The following TEKT1 variants were observed in gnomAD, a reference collection of about 807,000 sequenced individuals.
TEKT1 encodes tektin 1.
In TEKT1, 32 loss-of-function variants were observed where a neutral mutation model predicts 34.8. That is an observed-to-expected ratio of 0.92 (90% CI 0.69 to 1.23). TEKT1 has a LOEUF of 1.23. TEKT1 is among the 50% of genes most tolerant of loss of function. The pLI is 0.00. For missense variants in TEKT1, 492 were observed against 518.5 expected (o/e 0.95, Z 0.50); for synonymous variants, 207 against 199.8 (o/e 1.04, Z -0.30).
chr17:6,815,191 A>G lies in TEKT1; in HGVS notation c.601T>C (p.Ser201Pro), dbSNP rs1260108100. Reference sequence around the variant, plus strand: ...GGCTCAATCCTCACGGCGTTCTCAGAATATCTGATGTTTGGTGAGTTGTTG... The same window carrying G: ...GGCTCAATCCTCACGGCGTTCTCAGGATATCTGATGTTTGGTGAGTTGTTG... ...LNNNSPNIRY[S>P]ENAVRIEPNS... Residue 201 changes from serine to proline, a missense_variant, in exon 5 of 8, where the codon TCT (serine) becomes CCT (proline). Ser to Pro is a moderately conservative substitution (Grantham distance 74, BLOSUM62 -1). Transcript: ENST00000338694. The G allele has an allele frequency of 6.2e-7, 1 of 1,613,888 alleles. No homozygotes were observed. The highest frequency in any genetic ancestry group is 1.7e-5 in the Admixed American group (1 of 59,976).
chr17:6,812,205 G>A (rs1436229414), intron 6 of TEKT1, among the ~76,000 whole-genome samples: 3 of 152,034 alleles, frequency 2.0e-5, no homozygotes, highest in South Asian at 2.1e-4. Context: ...CTTCTGCCAC[G>A]ACTGTAAGTT....
Position 6,819,089 on chromosome 17 carries a change from C to T in TEKT1, c.356+104G>A, listed in dbSNP as rs28463409. ...ACTTCAGGCTCTAAAAGAACACCTG[C>T]TCAAGTGCTGTGTTCTAACTCACCA... On this transcript the variant is annotated intron_variant, in intron 3 of 7. Transcript: ENST00000338694. 1.0e-2 allele frequency: 13,804 copies of T among 1,383,480 alleles called. 888 individuals carry two copies. The African/African-American group carries it at 0.15, about 15-fold the overall frequency. The allele number at this position is 1,383,480 out of a possible 1,614,324, so 85.7% of individuals were successfully genotyped here. A position where few individuals can be genotyped will look rare whatever the true frequency, so the allele number is the denominator to read the frequency against.
intron 5 of TEKT1, 24 bp downstream of exon 5, chr17:6,815,139 A>G: frequency 6.3e-7 from 1 of 1,594,798 alleles, no homozygotes; most frequent in African/African-American, 1.3e-5. Flanking sequence ...ACCCGCGAGG[A>G]GGAAGACGGC....
intron 2 of TEKT1, among the ~76,000 whole-genome samples, chr17:6,822,367 T>A (rs1977104736): frequency 6.6e-6 from 1 of 152,082 alleles, no homozygotes. Context: ...AAACTCCTGG[T>A]CTCAACTGAT....
intron 6 of TEKT1, among the ~76,000 whole-genome samples, chr17:6,805,615 A>T (rs9635711): frequency 0.61 from 93,411 of 151,962 alleles, 28,991 homozygotes; most frequent in African/African-American, 0.7. Flanking sequence ...GTGCTATAAA[A>T]TTCCCTCTAC....
intron 6 of TEKT1, among the ~76,000 whole-genome samples, chr17:6,803,753 A>G (rs1976809000): frequency 6.6e-6 from 1 of 152,094 alleles, no homozygotes; most frequent in South Asian, 2.1e-4. Flanking sequence ...CAGGTTTGTC[A>G]AAGATCAGAT....
chr17:6,818,514 G>A (rs969762987), intron 3 of TEKT1, among the ~76,000 whole-genome samples: 1 of 152,180 alleles, frequency 6.6e-6, no homozygotes, highest in African/African-American at 2.4e-5. Flanking sequence ...CTCTGCATGG[G>A]AGAGACATAC....
chr17:6,803,820 T>G (rs1459219480), intron 6 of TEKT1, among the ~76,000 whole-genome samples: 3 of 152,148 alleles, frequency 2.0e-5, no homozygotes, highest in Non-Finnish European at 2.9e-5. Context: ...TTGGTCTACA[T>G]CTCTGTTTTG....
chr17:6,819,187 T>C lies in TEKT1; in HGVS notation c.356+6A>G. ...CATGAATCATTTGAGGGACCTTCGC[T>C]CCTACCTGTATGCCAGGCATGTCTC... is the stretch of plus-strand genomic sequence containing the variant. On this transcript the variant is annotated splice_donor_region_variant and intron_variant, in intron 3 of 7. Transcript: ENST00000338694. 6.2e-7 allele frequency: 1 copy of C among 1,611,072 alleles called. No homozygotes were observed. The highest frequency in any genetic ancestry group is 8.5e-7 in the Non-Finnish European group (1 of 1,178,940).
At chr17:6,812,606 G>A (rs534666532) in intron 6 of TEKT1, among the ~76,000 whole-genome samples, 1 of 152,338 alleles carries the variant, frequency 6.6e-6, no homozygotes, top group South Asian at 2.1e-4. Flanking sequence ...GTTCTCTGCA[G>A]CAGTGAGTGA....
intron 6 of TEKT1, among the ~76,000 whole-genome samples, chr17:6,803,873 T>C (rs2151581857): frequency 6.6e-6 from 1 of 152,272 alleles, no homozygotes; most frequent in South Asian, 2.1e-4. Context: ...CCTTGTAGTA[T>C]AGTTTGAAGT....
At position 6,798,209 on chromosome 17, in the gene TEKT1, T is replaced by C; in HGVS notation, c.*1818A>G. On this transcript the variant is annotated 3_prime_UTR_variant, in exon 8 of 8. Coordinates refer to ENST00000338694, the MANE Select transcript of TEKT1 (RefSeq NM_053285.2). ...GCAACTGAAGCTCGGGGAAGTTGAG[T>C]AACTTGGCGGGGATCACATCACAGG... The C allele has an allele frequency of 6.6e-6, 1 of 152,168 alleles. No homozygotes were observed. The highest frequency in any genetic ancestry group is 1.9e-4 in the East Asian group (1 of 5,196). 9.4% of individuals were successfully genotyped at this position (152,168 alleles called of 1,614,324 possible).
intron 2 of TEKT1, among the ~76,000 whole-genome samples, chr17:6,826,653 TAGATA>T (rs1039989134): frequency 7.1e-4 from 107 of 151,696 alleles, no homozygotes; most frequent in African/African-American, 2.5e-3. Context: ...GATAGATAGA[TAGATA>T]GATAGATAGA....
chr17:6,813,502 C>T (rs1225439033), intron 5 of TEKT1, among the ~76,000 whole-genome samples: 1 of 149,532 alleles, frequency 6.7e-6, no homozygotes, highest in Non-Finnish European at 1.5e-5. Flanking sequence ...GAACTATCTT[C>T]TGGAACGACA....
chr17:6,819,406 G>C, intron 2 of TEKT1, 48 bp from the exon 3 acceptor site: 1 of 1,536,724 alleles, frequency 6.5e-7, no homozygotes. Context: ...TCCCAAGGTA[G>C]CCAACATTTG....
intron 2 of TEKT1, 74 bp downstream of exon 2, chr17:6,830,113 G>T: frequency 1.4e-6 from 2 of 1,412,550 alleles, no homozygotes; most frequent in South Asian, 2.6e-5. Context: ...TGCCACATCT[G>T]AACATGACAC....
At chr17:6,800,993 T>C in intron 6 of TEKT1, 50 bp from the exon 7 acceptor site, 1 of 1,526,382 alleles carries the variant, frequency 6.6e-7, no homozygotes, top group Non-Finnish European at 8.9e-7. Flanking sequence ...TCCTCAAAAC[T>C]CAACAGCTGA....
At chr17:6,826,343 G>C (rs891593698) in intron 2 of TEKT1, among the ~76,000 whole-genome samples, 1 of 152,032 alleles carries the variant, frequency 6.6e-6, no homozygotes, top group African/African-American at 2.4e-5. Context: ...ATATATTTTG[G>C]ATATGGATTT....
chr17:6,822,033 G>A (rs1257589282), intron 2 of TEKT1, among the ~76,000 whole-genome samples: 1 of 151,944 alleles, frequency 6.6e-6, no homozygotes, highest in East Asian at 1.9e-4. Flanking sequence ...TGGGGAAAAT[G>A]TCTCCAGGGC....
Sources: allele counts gnomAD v4.1 joint callset (sites outside exome capture counted in the v4.1 genomes callset), GRCh38; gene constraint gnomAD v4.1.1; transcripts MANE v1.5; gene names NCBI Gene and HGNC (gene_info 2026-07-23, HGNC 2026-07-21).